The following R3HDM1 variants were observed in gnomAD, a reference collection of about 807,000 sequenced individuals.
R3HDM1 encodes R3H domain containing 1, also known as R3H domain-containing protein 1.
A neutral mutation model predicts 141.1 loss-of-function variants in R3HDM1; 46 were observed. The observed-to-expected ratio is 0.33, with a 90% CI of 0.26 to 0.42. R3HDM1 has a LOEUF of 0.42. Ranked by LOEUF, R3HDM1 falls within the 10% of genes least tolerant of loss-of-function variation. The probability of loss-of-function intolerance (pLI) is 1.00; values close to 1 mark genes in which losing one functional copy is unlikely to be tolerated. For synonymous variants in R3HDM1, 435 were observed against 472.9 expected, an observed-to-expected ratio of 0.92 and a Z score of 1.04; for missense variants, 1,184 against 1,368.3, an observed-to-expected ratio of 0.87 and a Z score of 2.12.
chr2:135,662,052 T>C (rs1358063249), intron 19 of R3HDM1, among the ~76,000 whole-genome samples: 2 of 152,246 alleles, frequency 1.3e-5, no homozygotes, highest in East Asian at 1.9e-4. Flanking sequence ...AACTATCTTA[T>C]TGATTTTTTA....
At chr2:135,543,823 C>T (rs1698127555) in intron 1 of R3HDM1, among the ~76,000 whole-genome samples, 1 of 152,116 alleles carries the variant, frequency 6.6e-6, no homozygotes, top group African/African-American at 2.4e-5. Context: ...ACAATTTTGG[C>T]CAAACATAGA....
intron 9 of R3HDM1, 45 bp from the exon 10 acceptor site, chr2:135,635,845 T>A: frequency 6.5e-7 from 1 of 1,539,720 alleles, no homozygotes; most frequent in Non-Finnish European, 8.7e-7. Context: ...CTAATATTGT[T>A]CATTATCTTT....
intron 21 of R3HDM1, among the ~76,000 whole-genome samples, chr2:135,701,830 C>G (rs934254380): frequency 6.6e-6 from 1 of 152,108 alleles, no homozygotes; most frequent in African/African-American, 2.4e-5. Context: ...GTAACTGAAA[C>G]CAAGGAAAGC....
chr2:135,576,355 T>C (rs1425300153), intron 1 of R3HDM1, among the ~76,000 whole-genome samples: 3 of 151,036 alleles, frequency 2.0e-5, no homozygotes, highest in Non-Finnish European at 4.4e-5. Flanking sequence ...GGTGAAGGAG[T>C]GAGACCCTGT....
chr2:135,716,476 A>T (rs1407236760), intron 24 of R3HDM1, among the ~76,000 whole-genome samples: 1 of 152,166 alleles, frequency 6.6e-6, no homozygotes, highest in African/African-American at 2.4e-5. Flanking sequence ...TAATATGGAA[A>T]CCATTTTATT....
chr2:135,648,458 T>C (rs2064732019), intron 16 of R3HDM1, among the ~76,000 whole-genome samples: 1 of 152,102 alleles, frequency 6.6e-6, no homozygotes, highest in Non-Finnish European at 1.5e-5. Context: ...TATCTAACAT[T>C]TTTAAAGTAT....
intron 22 of R3HDM1, 61 bp from the exon 23 acceptor site, chr2:135,709,998 C>A: frequency 6.6e-7 from 1 of 1,504,500 alleles, no homozygotes; most frequent in South Asian, 1.2e-5. Flanking sequence ...TCCTAGTGTT[C>A]AGAAACACCA....
intron 21 of R3HDM1, among the ~76,000 whole-genome samples, chr2:135,704,112 C>G (rs2074579722): frequency 6.6e-6 from 1 of 152,222 alleles, no homozygotes; most frequent in African/African-American, 2.4e-5. Context: ...TCCTGAATAA[C>G]TGGGATTACA....
intron 19 of R3HDM1, among the ~76,000 whole-genome samples, chr2:135,663,862 A>G (rs1428986166): frequency 1.3e-5 from 2 of 152,028 alleles, no homozygotes; most frequent in East Asian, 3.9e-4. Context: ...CCCTGTGTCT[A>G]CTTTAAAAAT....
chr2:135,655,623 C>G (rs2105291052), intron 18 of R3HDM1, among the ~76,000 whole-genome samples: 1 of 152,104 alleles, frequency 6.6e-6, no homozygotes, highest in Non-Finnish European at 1.5e-5. Context: ...TCTCCTGCCT[C>G]AGCCTCCCGA....
intron 5 of R3HDM1, chr2:135,620,318 A>T (rs559209734): frequency 4.0e-5 from 36 of 893,696 alleles, no homozygotes; most frequent in Non-Finnish European, 4.8e-5. Flanking sequence ...ATTTCTAGAT[A>T]CCTGTTTTAC....
chr2:135,598,966 T>C (rs2059407032), intron 1 of R3HDM1, among the ~76,000 whole-genome samples: 3 of 152,220 alleles, frequency 2.0e-5, no homozygotes, highest in Admixed American at 2.0e-4. Context: ...TTTAAAACTT[T>C]GTTCTAAGTT....
At chr2:135,652,896 T>C (rs950251877) in intron 18 of R3HDM1, among the ~76,000 whole-genome samples, 2 of 152,188 alleles carry the variant, frequency 1.3e-5, no homozygotes, top group African/African-American at 4.8e-5. Context: ...GTTTCAAATT[T>C]GTTGTCATAA....
chr2:135,593,921 T>C (rs983301937), intron 1 of R3HDM1, among the ~76,000 whole-genome samples: 1 of 152,158 alleles, frequency 6.6e-6, no homozygotes, highest in Non-Finnish European at 1.5e-5. Flanking sequence ...GGTTTTGCCA[T>C]GTTGGCCAGG....
intron 21 of R3HDM1, among the ~76,000 whole-genome samples, chr2:135,693,087 G>T (rs1278945673): frequency 6.6e-6 from 1 of 152,000 alleles, no homozygotes; most frequent in African/African-American, 2.4e-5. Context: ...TTCTATTTAG[G>T]TATTTATATA....
chr2:135,531,572 C>A lies in R3HDM1; in HGVS notation c.-311C>A. 1.0e-6 allele frequency: 1 copy of A among 986,660 alleles called. No homozygotes were observed. Among genetic ancestry groups the A allele is most frequent in the South Asian group, 4.7e-5 (1 of 21,384 alleles). The allele number at this position is 986,660 out of a possible 1,614,324, so 61.1% of individuals were successfully genotyped here. On this transcript the variant is annotated 5_prime_UTR_variant, in exon 1 of 27. Transcript: ENST00000683871. ...TCGTAAGACTCTTACTTGCACCCAC[C>A]CAGCCCCGCCGTCGCCCCGCCGCGC... is the stretch of plus-strand genomic sequence containing the variant.
chr2:135,552,624 A>C (rs776630763), intron 1 of R3HDM1, among the ~76,000 whole-genome samples: 8 of 152,202 alleles, frequency 5.3e-5, no homozygotes, highest in Non-Finnish European at 1.0e-4. Context: ...CACAGCAAAA[A>C]TACTATATTT....
intron 3 of R3HDM1, chr2:135,607,383 G>A (rs2060168601): frequency 1.0e-6 from 1 of 955,546 alleles, no homozygotes; most frequent in Admixed American, 6.2e-5. Context: ...GACAATGATA[G>A]CAATTCCTCC....
chr2:135,601,246 C>T (rs984033502), intron 1 of R3HDM1, among the ~76,000 whole-genome samples: 4 of 152,148 alleles, frequency 2.6e-5, no homozygotes, highest in African/African-American at 7.2e-5. Flanking sequence ...TGAGATGACA[C>T]GGTATCAATT....
Sources: gnomAD v4.1 joint callset for allele counts (sites outside exome capture counted in the v4.1 genomes callset) on GRCh38, gnomAD v4.1.1 for gene constraint, MANE v1.5 for transcripts, NCBI Gene and HGNC (gene_info 2026-07-23, HGNC 2026-07-21) for gene names.